BFSP2: variants seen among roughly 807,000 people sequenced by gnomAD.
The protein encoded by BFSP2 is phakinin.
Under a neutral mutation model 44.9 loss-of-function variants are expected in BFSP2, and 38 were observed. That is an observed-to-expected ratio of 0.85 (90% CI 0.65 to 1.11). The LOEUF is 1.11. Ranked by LOEUF, BFSP2 falls within the 50% of genes least tolerant of loss-of-function variation. The pLI is 0.00. For synonymous variants in BFSP2, 197 were observed against 209.9 expected (o/e 0.94, Z 0.53); for missense variants, 525 against 533.0 (o/e 0.99, Z 0.15).
chr3:133,421,792 CTT>C (rs778205357), intron 1 of BFSP2, among the ~76,000 whole-genome samples: 6 of 152,214 alleles, frequency 3.9e-5, no homozygotes, highest in Non-Finnish European at 7.3e-5. Flanking sequence ...TTCATCCTCT[CTT>C]CCTTTTGTAC....
At chr3:133,433,305 C>T (rs1007403923) in intron 1 of BFSP2, among the ~76,000 whole-genome samples, 1 of 152,206 alleles carries the variant, frequency 6.6e-6, no homozygotes, top group Non-Finnish European at 1.5e-5. Context: ...CACACACCAG[C>T]AAAGGCAGGC....
chr3:133,430,089 C>T (rs1167139653), intron 1 of BFSP2, among the ~76,000 whole-genome samples: 6 of 150,048 alleles, frequency 4.0e-5, no homozygotes, highest in South Asian at 2.1e-4. Context: ...ATGAACTCAT[C>T]CTTTTTTATG....
At chr3:133,418,820 A>T (rs6806169) in intron 1 of BFSP2, among the ~76,000 whole-genome samples, 89,370 of 152,092 alleles carry the variant, frequency 0.59, 28,143 homozygotes, top group East Asian at 0.8. Flanking sequence ...CAGGCCTCTG[A>T]TATGACCCTT....
rs376911067 is a variant in BFSP2 at position 133,448,636 on chromosome 3, C to T, written c.720C>T (p.Asn240=). ...AAGAACTTGGCTCTCTATCAAGAAA[C>T]TATGAAGAGGTAGGAGGGGGCTGGG... ...LKEELGSLSR[N]YEEDVKLLHK... is the part of the protein sequence containing the mutation. Residue 240 remains asparagine, a synonymous_variant, in exon 3 of 7, where the codon AAC becomes AAT. Transcript: ENST00000302334. The T allele has an allele frequency of 4.3e-4, 697 of 1,613,680 alleles. 4 individuals are homozygous for T. The highest frequency in any genetic ancestry group is 2.8e-3 in the South Asian group (252 of 91,004).
intron 1 of BFSP2, among the ~76,000 whole-genome samples, chr3:133,414,027 A>G (rs1312779626): frequency 6.9e-6 from 1 of 144,942 alleles, no homozygotes; most frequent in African/African-American, 2.6e-5. Context: ...CCGTCTACTC[A>G]CCCCTGCCCT....
intron 1 of BFSP2, among the ~76,000 whole-genome samples, chr3:133,421,807 GAAATT>G (rs1378188475): frequency 3.9e-5 from 6 of 152,086 alleles, no homozygotes; most frequent in Admixed American, 2.6e-4. Flanking sequence ...TTTTGTACTT[GAAATT>G]AAATTCCACA....
intron 6 of BFSP2, among the ~76,000 whole-genome samples, chr3:133,474,732 G>T (rs1469203551): frequency 2.6e-5 from 4 of 152,158 alleles, no homozygotes; most frequent in Non-Finnish European, 4.4e-5. Flanking sequence ...TCCAAACCCT[G>T]CCAAGACAAC....
chr3:133,401,733 A>G (rs1037629528), intron 1 of BFSP2, among the ~76,000 whole-genome samples: 6 of 152,004 alleles, frequency 3.9e-5, no homozygotes, highest in African/African-American at 1.4e-4. Flanking sequence ...GGGACTGCCA[A>G]CTCAGACCCT....
At chr3:133,418,588 C>T (rs1380012433) in intron 1 of BFSP2, among the ~76,000 whole-genome samples, 1 of 152,074 alleles carries the variant, frequency 6.6e-6, no homozygotes, top group Non-Finnish European at 1.5e-5. Flanking sequence ...TTCCTGGGTG[C>T]AGTTGGCCCA....
intron 1 of BFSP2, among the ~76,000 whole-genome samples, chr3:133,424,209 C>A (rs1240875496): frequency 3.6e-5 from 1 of 27,736 alleles, no homozygotes; most frequent in Non-Finnish European, 8.7e-5. Flanking sequence ...CCGCGTCCAG[C>A]TAATTTTTTT....
At chr3:133,442,333 T>C (rs577735891) in intron 1 of BFSP2, among the ~76,000 whole-genome samples, 10 of 152,256 alleles carry the variant, frequency 6.6e-5, no homozygotes, top group African/African-American at 2.4e-4. Flanking sequence ...TGTTTTGTTT[T>C]TTGGAGAGAT....
At chr3:133,470,930 C>T (rs1405142033) in intron 5 of BFSP2, among the ~76,000 whole-genome samples, 4 of 152,166 alleles carry the variant, frequency 2.6e-5, no homozygotes. Context: ...CAGGTTACCT[C>T]TAAGCTTGGA....
At position 133,473,203 on chromosome 3, in the gene BFSP2, TAC is replaced by T. The variant is rs1475239272; in HGVS notation, c.1244+641_1244+642del. Among the ~76,000 whole-genome samples, 5 of 152,292 alleles carry T rather than the reference TAC, an allele frequency of 3.3e-5. No homozygotes were observed. The South Asian group carries it at 8.3e-4, about 25-fold the overall frequency. ...ATGACTATACTGCTGCTCCACAGACTACACTCTGAGTAGCAAAGATGTGTAAA... is the reference window on the plus strand; with the variant it reads ...ATGACTATACTGCTGCTCCACAGACTACTCTGAGTAGCAAAGATGTGTAAA... On this transcript the variant is annotated intron_variant, in intron 6 of 6. Transcript: ENST00000302334.
intron 1 of BFSP2, among the ~76,000 whole-genome samples, chr3:133,446,481 G>A (rs982154923): frequency 6.8e-6 from 1 of 147,432 alleles, no homozygotes; most frequent in African/African-American, 2.5e-5. Context: ...CCACACTGGA[G>A]CAAGGGGAAA....
chr3:133,429,963 T>A (rs551751888), intron 1 of BFSP2, among the ~76,000 whole-genome samples: 5 of 150,692 alleles, frequency 3.3e-5, no homozygotes, highest in South Asian at 2.1e-4. Context: ...TGTCCATGTG[T>A]TCTCATTGTT....
At chr3:133,422,395 C>T (rs552347003) in intron 1 of BFSP2, among the ~76,000 whole-genome samples, 2 of 152,290 alleles carry the variant, frequency 1.3e-5, no homozygotes, top group South Asian at 2.1e-4. Flanking sequence ...TGAGATGGAT[C>T]GTTTCCCTGG....
chr3:133,406,116 A>ATT (rs11398329), intron 1 of BFSP2, among the ~76,000 whole-genome samples: 9,358 of 144,156 alleles, frequency 0.065, 326 homozygotes, highest in South Asian at 0.08. Flanking sequence ...ATATCCAGCT[A>ATT]TTTTTTTTTT....
chr3:133,411,978 C>A (rs780097213), intron 1 of BFSP2, among the ~76,000 whole-genome samples: 17 of 152,172 alleles, frequency 1.1e-4, no homozygotes, highest in Non-Finnish European at 2.1e-4. Flanking sequence ...AAGATAAACA[C>A]TATTTGATAA....
At chr3:133,473,475 T>G (rs1397715219) in intron 6 of BFSP2, among the ~76,000 whole-genome samples, 2 of 151,730 alleles carry the variant, frequency 1.3e-5, no homozygotes, top group Non-Finnish European at 2.9e-5. Flanking sequence ...TTTCTTTTTT[T>G]TTATTGATCA....
Sources: gnomAD v4.1 joint callset for allele counts (sites outside exome capture counted in the v4.1 genomes callset) on GRCh38, gnomAD v4.1.1 for gene constraint, MANE v1.5 for transcripts, NCBI Gene and HGNC (gene_info 2026-07-23, HGNC 2026-07-21) for gene names.